Variants in CNTNAP2 observed in about 807,000 individuals in gnomAD.
CNTNAP2 encodes contactin-associated protein-like 2.
In CNTNAP2, 98 loss-of-function variants were observed where a neutral mutation model predicts 155.2. The observed-to-expected ratio is 0.63, with a 90% CI of 0.54 to 0.75. The LOEUF is 0.75. Among genes scored for constraint, CNTNAP2 ranks in the 30% least tolerant of loss-of-function variants. The pLI is 0.00. For synonymous variants in CNTNAP2, 651 were observed against 631.2 expected (o/e 1.03, Z -0.47); for missense variants, 1,727 against 1,688.1 (o/e 1.02, Z -0.40).
intron 4 of CNTNAP2, among the ~76,000 whole-genome samples, chr7:147,070,076 C>A (rs527809932): frequency 1.1e-3 from 171 of 152,186 alleles, no homozygotes; most frequent in African/African-American, 3.9e-3. Context: ...TTAATGTGTA[C>A]CTGACAAACA....
At chr7:147,224,224 A>G (rs1803472857) in intron 8 of CNTNAP2, among the ~76,000 whole-genome samples, 1 of 152,214 alleles carries the variant, frequency 6.6e-6, no homozygotes, top group Admixed American at 6.5e-5. Context: ...TGTTGTTAGA[A>G]TAGAATGGCA....
At chr7:146,306,268 C>G (rs1053197869) in intron 1 of CNTNAP2, among the ~76,000 whole-genome samples, 16 of 152,002 alleles carry the variant, frequency 1.1e-4, no homozygotes, top group African/African-American at 3.4e-4. Flanking sequence ...GCCTACCAAC[C>G]AAAAACGTCC....
intron 15 of CNTNAP2, among the ~76,000 whole-genome samples, chr7:148,024,169 A>AAC (rs1802334727): frequency 6.6e-6 from 1 of 151,236 alleles, no homozygotes; most frequent in Admixed American, 6.6e-5. Context: ...AAAAAAAAAA[A>AAC]AAAAAAAAAA....
At chr7:148,203,958 G>A (rs1003633560) in intron 18 of CNTNAP2, among the ~76,000 whole-genome samples, 3 of 152,080 alleles carry the variant, frequency 2.0e-5, no homozygotes, top group African/African-American at 7.2e-5. Flanking sequence ...CATCTTTTTT[G>A]AAGAGGCATA....
intron 9 of CNTNAP2, among the ~76,000 whole-genome samples, chr7:147,317,263 C>G (rs1049409359): frequency 1.3e-5 from 2 of 152,350 alleles, no homozygotes; most frequent in South Asian, 4.1e-4. Context: ...TTCAATCTAT[C>G]TTCCACTGAC....
chr7:146,752,776 A>T lies in CNTNAP2; in HGVS notation c.98-21495A>T, dbSNP rs939997161. 2.0e-5 allele frequency among the ~76,000 whole-genome samples: 3 copies of T among 152,314 alleles called. No homozygotes were observed. The East Asian group carries it at 5.8e-4, about 29-fold the overall frequency. On this transcript the variant is annotated intron_variant, in intron 1 of 23. Transcript: ENST00000361727. ...GGTTTTACATGAAAGTCTTTAATCC[A>T]TCTTGAGTTAATTTTTGTATGAGGT...
chr7:146,315,799 G>C (rs1383341455), intron 1 of CNTNAP2, among the ~76,000 whole-genome samples: 2 of 152,044 alleles, frequency 1.3e-5, no homozygotes, highest in African/African-American at 4.8e-5. Context: ...ATAGCTTCTT[G>C]TGGCTTAGAA....
intron 1 of CNTNAP2, among the ~76,000 whole-genome samples, chr7:146,301,551 G>A (rs180969279): frequency 1.1e-4 from 16 of 152,128 alleles, no homozygotes; most frequent in African/African-American, 2.6e-4. Context: ...GTGTGAACCC[G>A]GGAGGCGGAG....
Position 148,277,414 on chromosome 7 carries a change from G to A in CNTNAP2, c.3475+10288G>A, listed in dbSNP as rs116223230. Among the ~76,000 whole-genome samples, 1,346 of 152,136 alleles carry A rather than the reference G, an allele frequency of 8.8e-3. 24 individuals are homozygous for A. Among genetic ancestry groups the A allele is most frequent in the African/African-American group, 0.03 (1,261 of 41,488 alleles). ...GACCCCTAAGCCCTAAGTCTCTTTC[G>A]CATCCTCCGTCTCCCCATGGCAGGT... On this transcript the variant is annotated intron_variant, in intron 21 of 23. Coordinates refer to ENST00000361727, the MANE Select transcript of CNTNAP2 (RefSeq NM_014141.6).
intron 13 of CNTNAP2, among the ~76,000 whole-genome samples, chr7:147,858,124 G>T (rs1351773877): frequency 6.6e-6 from 1 of 152,212 alleles, no homozygotes; most frequent in East Asian, 1.9e-4. Context: ...GTCTCACTCT[G>T]TTGCCCAGGC....
chr7:147,007,019 G>C (rs1056924058), intron 3 of CNTNAP2, among the ~76,000 whole-genome samples: 1 of 152,126 alleles, frequency 6.6e-6, no homozygotes, highest in African/African-American at 2.4e-5. Flanking sequence ...GGCATAAAGA[G>C]GTGTTACCAG....
chr7:146,451,242 A>G (rs769645674), intron 1 of CNTNAP2, among the ~76,000 whole-genome samples: 13 of 152,284 alleles, frequency 8.5e-5, no homozygotes, highest in East Asian at 3.9e-4. Flanking sequence ...CACCGTGCCC[A>G]GCCATAAAAC....
chr7:148,022,627 C>T (rs183253431), intron 15 of CNTNAP2, among the ~76,000 whole-genome samples: 24 of 152,128 alleles, frequency 1.6e-4, no homozygotes, highest in Admixed American at 1.0e-3. Context: ...GCTGCATTGG[C>T]GTGGCCTGTT....
At chr7:146,836,245 G>C (rs551505082) in intron 2 of CNTNAP2, among the ~76,000 whole-genome samples, 37 of 102,984 alleles carry the variant, frequency 3.6e-4, no homozygotes, top group African/African-American at 3.1e-3. Context: ...TTTTAAATTT[G>C]TATTTTTTTT....
Position 147,956,316 on chromosome 7 carries a change from C to G in CNTNAP2, c.2256-21546C>G, listed in dbSNP as rs1210213438. Among the ~76,000 whole-genome samples, 9 of 147,076 alleles carry G rather than the reference C, an allele frequency of 6.1e-5. No individual in the cohort carries two copies. The East Asian group carries it at 1.8e-3, about 29-fold the overall frequency. The stretch of plus-strand genomic sequence containing the variant: ...GGCAGGGGGCAAAAAAAAAAAAAAG[C>G]TATCAGTGAGATAAGCACATCAATC... On this transcript the variant is annotated intron_variant, in intron 14 of 23. Coordinates refer to ENST00000361727, the MANE Select transcript of CNTNAP2 (RefSeq NM_014141.6).
chr7:146,731,338 C>T (rs1801522020), intron 1 of CNTNAP2, among the ~76,000 whole-genome samples: 1 of 151,898 alleles, frequency 6.6e-6, no homozygotes, highest in South Asian at 2.1e-4. Context: ...TCACGTGGAA[C>T]CATGGAATCA....
At position 147,658,101 on chromosome 7, in the gene CNTNAP2, C is replaced by T. The variant is rs1375899582; in HGVS notation, c.2098+18795C>T. ...GAAACCCCGTCTCTACTAAAAAATACAAAAAATTAGCCGGGCGTAGTGGCG... is the reference window on the plus strand; with the variant it reads ...GAAACCCCGTCTCTACTAAAAAATATAAAAAATTAGCCGGGCGTAGTGGCG... On this transcript the variant is annotated intron_variant, in intron 13 of 23. Transcript: ENST00000361727. 1.2e-4 allele frequency among the ~76,000 whole-genome samples: 17 copies of T among 143,856 alleles called. 1 individual carries two copies. The highest frequency in any genetic ancestry group is 4.0e-4 in the African/African-American group (16 of 39,674). 94.4% of individuals were successfully genotyped at this position (143,856 alleles called of 152,430 possible).
At chr7:147,399,483 A>T (rs375500133) in intron 10 of CNTNAP2, among the ~76,000 whole-genome samples, 1 of 152,152 alleles carries the variant, frequency 6.6e-6, no homozygotes, top group East Asian at 1.9e-4. Flanking sequence ...TACAAATTAG[A>T]TGTGGGGTAT....
chr7:148,343,040 A>G (rs1177925), intron 21 of CNTNAP2, among the ~76,000 whole-genome samples: 130,596 of 152,238 alleles, frequency 0.86, 56,579 homozygotes, highest in African/African-American at 0.93. Flanking sequence ...GGAAAGTTCC[A>G]TTGTGGGCCA....
Sources: allele counts gnomAD v4.1 joint callset (sites outside exome capture counted in the v4.1 genomes callset), GRCh38; gene constraint gnomAD v4.1.1; transcripts MANE v1.5; gene names NCBI Gene and HGNC (gene_info 2026-07-23, HGNC 2026-07-21).